Variants in METTL23 observed in about 807,000 individuals in gnomAD.
METTL23 encodes the protein methyltransferase 23, arginine.
A neutral mutation model predicts 21.2 loss-of-function variants in METTL23; 24 were observed. The ratio of observed to expected loss-of-function variants is 1.13; its 90% CI spans 0.82 to 1.59. The LOEUF (loss-of-function observed/expected upper bound fraction) is 1.59. Ranked by LOEUF, METTL23 falls within the 40% of genes most tolerant of loss-of-function variation. The probability of loss-of-function intolerance (pLI) is 0.00; values close to 1 mark genes in which losing one functional copy is unlikely to be tolerated. For missense variants in METTL23, 276 were observed against 221.4 expected (o/e 1.25, Z -1.57); for synonymous variants, 97 against 75.2 (o/e 1.29, Z -1.50).
chr17:76,732,970 CTTA>C lies in METTL23; in HGVS notation c.85-4_85-2del, dbSNP rs749142121. The stretch of plus-strand genomic sequence containing the variant: ...AATTGTGAAATGCCATCTTTCATAA[CTTA>C]TTAGATTGGAGCTGGAGTGAGCCTT... On this transcript the variant is annotated splice_polypyrimidine_tract_variant and splice_region_variant and intron_variant, in intron 2 of 4. Transcript: ENST00000341249. The C allele has an allele frequency of 1.3e-5, 20 of 1,557,086 alleles. No homozygotes were observed. Among genetic ancestry groups the C allele is most frequent in the Non-Finnish European group, 1.7e-5 (20 of 1,148,188 alleles).
chr17:76,726,227 G>C, upstream of METTL23: 2 of 1,314,492 alleles, frequency 1.5e-6, no homozygotes, highest in Non-Finnish European at 1.0e-6. Flanking sequence ...CGCGGGGTGC[G>C]GGTGAGCCTC....
At chr17:76,733,271 T>C in intron 3 of METTL23, 22 bp from the exon 4 acceptor site, 1 of 1,613,568 alleles carries the variant, frequency 6.2e-7, no homozygotes, top group South Asian at 1.1e-5. Flanking sequence ...TGAAAATCTA[T>C]TCATAAATCC....
rs775810216 is a variant in METTL23 at position 76,733,563 on chromosome 17, GAA to G, written c.452_453del (p.Lys151MetfsTer7). On this transcript the variant is annotated frameshift_variant, in exon 5 of 5. Coordinates refer to ENST00000341249, the MANE Select transcript of METTL23 (RefSeq NM_001080510.5). LOFTEE classifies it high-confidence loss of function. ...LEALLYKWDM[K>X]CVHIPLESFD... ...AAGCTTTACTCTACAAATGGGATAT[GAA>G]ATGTGTCCACATTCCTCTTGAGTCT... The G allele has an allele frequency of 6.2e-7, 1 of 1,613,770 alleles. No individual in the cohort carries two copies. The highest frequency in any genetic ancestry group is 1.1e-5 in the South Asian group (1 of 91,052).
At chr17:76,733,472 G>C (rs1198459033) in intron 4 of METTL23, 49 bp from the exon 5 acceptor site, 7 of 1,599,676 alleles carry the variant, frequency 4.4e-6, no homozygotes, top group Non-Finnish European at 6.0e-6. Context: ...TACATCTGAA[G>C]CAAAACAGAA....
chr17:76,733,134 T>C lies in METTL23; in HGVS notation c.241T>C (p.Trp81Arg). Residue 81 changes from tryptophan to arginine, a missense_variant, in exon 3 of 5, where the codon TGG becomes CGG. Trp to Arg is a moderately radical substitution (Grantham distance 101, BLOSUM62 -3). Coordinates refer to ENST00000341249, the MANE Select transcript of METTL23 (RefSeq NM_001080510.5). The stretch of plus-strand genomic sequence containing the variant: ...ACATCTGCAGGTGGTAGGACTAACA[T>C]GGGGTCATATATCTTGGGATCTTCT... ...LPHLQVVGLTWGHISWDLLAL... is the reference protein window; with the variant it reads ...LPHLQVVGLTRGHISWDLLAL... The C allele has an allele frequency of 6.2e-7, 1 of 1,613,850 alleles. No individual in the cohort carries two copies. The highest frequency in any genetic ancestry group is 8.5e-7 in the Non-Finnish European group (1 of 1,179,846).
chr17:76,733,261 T>C (rs2077312401), intron 3 of METTL23, 32 bp from the exon 4 acceptor site: 3 of 1,613,222 alleles, frequency 1.9e-6, no homozygotes, highest in African/African-American at 2.7e-5. Flanking sequence ...TGATGCTATA[T>C]GAAAATCTAT....
chr17:76,729,636 A>C, intron 1 of METTL23, 54 bp from the exon 2 acceptor site: 1 of 1,265,250 alleles, frequency 7.9e-7, no homozygotes. Context: ...TGTATGAATG[A>C]TTCCAACTTC....
At chr17:76,726,805 G>GCCCCT (rs901419452), upstream of METTL23, 23 of 161,184 alleles carry the variant, frequency 1.4e-4, no homozygotes, top group Non-Finnish European at 2.4e-4. Context: ...GCCCCGCCCC[G>GCCCCT]CCCCTCCCCT....
chr17:76,726,793 C>G, upstream of METTL23: 1 of 385,514 alleles, frequency 2.6e-6, no homozygotes, highest in East Asian at 6.2e-5. Flanking sequence ...CGTCACCGCC[C>G]CGCCCCGCCC....
In METTL23 at chr17:76,728,468, T is replaced by C. The variant is rs867105960; in HGVS notation, c.-21-1222T>C. 2.8e-3 allele frequency among the ~76,000 whole-genome samples: 404 copies of C among 146,224 alleles called. 4 individuals are homozygous for C. The highest frequency in any genetic ancestry group is 0.01 in the African/African-American group (388 of 38,546). ...CGCTCTGTCACCCAGACGAGTGCAG[T>C]GGCACAATCTCAGCTCACTGCAACC... On this transcript the variant is annotated intron_variant, in intron 1 of 4. Coordinates refer to ENST00000341249, the MANE Select transcript of METTL23 (RefSeq NM_001080510.5).
upstream of METTL23, chr17:76,726,460 T>TAA: frequency 6.2e-7 from 1 of 1,604,424 alleles, no homozygotes; most frequent in Non-Finnish European, 8.5e-7. Flanking sequence ...ATGCGCTTCT[T>TAA]GCTCTTGTGG....
At position 76,733,061 on chromosome 17, in the gene METTL23, TCA is replaced by T; in HGVS notation, c.170_171del (p.His57LeufsTer13). The T allele has an allele frequency of 6.2e-7, 1 of 1,606,820 alleles. No individual in the cohort carries two copies. The highest frequency in any genetic ancestry group is 8.5e-7 in the Non-Finnish European group (1 of 1,176,216). ...TACTGTCAGACAGCTCAGAACTGCCTCACTGTCTGGAAGTCTGTCGGCAAAGC... is the reference window on the plus strand; with the variant it reads ...TACTGTCAGACAGCTCAGAACTGCCTCTGTCTGGAAGTCTGTCGGCAAAGC... ...VILSDSSELPHCLEVCRQSCQ... is the reference protein window; with the variant it reads ...VILSDSSELPXCLEVCRQSCQ... On this transcript the variant is annotated frameshift_variant, in exon 3 of 5. Coordinates refer to ENST00000341249, the MANE Select transcript of METTL23 (RefSeq NM_001080510.5). LOFTEE classifies it high-confidence loss of function.
At chr17:76,726,589 C>T, upstream of METTL23, 2 of 1,385,768 alleles carry the variant, frequency 1.4e-6, no homozygotes, top group Non-Finnish European at 1.9e-6. Flanking sequence ...ACGCCCTTCG[C>T]TCAGTCCCGG....
upstream of METTL23, chr17:76,726,683 G>A (rs748495668): frequency 3.2e-6 from 2 of 624,228 alleles, no homozygotes; most frequent in Non-Finnish European, 5.3e-6. Context: ...CGTCTTCCCC[G>A]CCCCGACGCC....
upstream of METTL23, chr17:76,726,805 G>T (rs1441979519): frequency 8.7e-5 from 14 of 161,220 alleles, no homozygotes; most frequent in Middle Eastern, 1.8e-3. Flanking sequence ...GCCCCGCCCC[G>T]CCCCTCCCCT....
chr17:76,730,841 T>C (rs926724740), intron 2 of METTL23, among the ~76,000 whole-genome samples: 1 of 152,070 alleles, frequency 6.6e-6, no homozygotes, highest in Non-Finnish European at 1.5e-5. Flanking sequence ...TGGTGGCTCA[T>C]GCCTGTAATC....
intron 4 of METTL23, 63 bp downstream of exon 4, chr17:76,733,440 G>C: frequency 6.3e-7 from 1 of 1,596,606 alleles, no homozygotes; most frequent in Non-Finnish European, 8.5e-7. Context: ...CTACCCATGC[G>C]ATACATAATT....
chr17:76,726,527 T>G (rs1458854920), upstream of METTL23: 2 of 1,554,288 alleles, frequency 1.3e-6, no homozygotes, highest in Non-Finnish European at 1.7e-6. Context: ...GCCCGCTTCC[T>G]GACACTAACG....
At chr17:76,726,462 C>A (rs2076938574), upstream of METTL23, 1 of 1,603,822 alleles carries the variant, frequency 6.2e-7, no homozygotes, top group Non-Finnish European at 8.5e-7. Context: ...GCGCTTCTTG[C>A]TCTTGTGGTT....
Sources: gnomAD v4.1 joint callset for allele counts (sites outside exome capture counted in the v4.1 genomes callset) on GRCh38, gnomAD v4.1.1 for gene constraint, MANE v1.5 for transcripts, NCBI Gene and HGNC (gene_info 2026-07-23, HGNC 2026-07-21) for gene names.